TBC1D5: variants seen among roughly 807,000 people sequenced by gnomAD.
The protein encoded by TBC1D5 is TBC1 domain family, member 5.
In TBC1D5, 75 loss-of-function variants were observed where a neutral mutation model predicts 100.3. The ratio of observed to expected loss-of-function variants is 0.75; its 90% CI spans 0.62 to 0.91. The LOEUF is 0.91. TBC1D5 is among the 40% of genes least tolerant of loss of function. The pLI is 0.00. For missense variants in TBC1D5, 910 were observed against 942.4 expected (o/e 0.97, Z 0.45); for synonymous variants, 323 against 325.6 (o/e 0.99, Z 0.09).
intron 17 of TBC1D5, among the ~76,000 whole-genome samples, chr3:17,215,861 T>C (rs1303187613): frequency 6.6e-6 from 1 of 152,092 alleles, no homozygotes; most frequent in Non-Finnish European, 1.5e-5. Flanking sequence ...TGTTACAATA[T>C]AGTTAGAATA....
chr3:17,341,298 G>A (rs779983603), intron 13 of TBC1D5, among the ~76,000 whole-genome samples: 5 of 152,176 alleles, frequency 3.3e-5, no homozygotes, highest in African/African-American at 4.8e-5. Flanking sequence ...CTGGGTTCAC[G>A]CCATTCTCCG....
intron 15 of TBC1D5, among the ~76,000 whole-genome samples, chr3:17,288,276 T>C (rs283915): frequency 0.42 from 63,412 of 151,994 alleles, 13,921 homozygotes; most frequent in Middle Eastern, 0.5. Context: ...TTTTTCTCAC[T>C]TTACTTTTGC....
chr3:17,375,874 G>A (rs552912098), intron 10 of TBC1D5, among the ~76,000 whole-genome samples: 72 of 152,146 alleles, frequency 4.7e-4, no homozygotes, highest in African/African-American at 1.6e-3. Flanking sequence ...ATATAGATGC[G>A]CTGGCCTGAT....
chr3:17,431,568 T>TC (rs1467960694), intron 3 of TBC1D5, among the ~76,000 whole-genome samples: 1 of 152,020 alleles, frequency 6.6e-6, no homozygotes, highest in East Asian at 1.9e-4. Context: ...TAAGAACAAT[T>TC]CATCAATTAC....
intron 15 of TBC1D5, among the ~76,000 whole-genome samples, chr3:17,278,081 T>C (rs1165135084): frequency 1.8e-4 from 27 of 152,208 alleles, no homozygotes; most frequent in Admixed American, 1.8e-3. Context: ...GGTATATTTC[T>C]CAGTGAAACT....
chr3:17,360,191 A>AT (rs1430477609), intron 13 of TBC1D5, among the ~76,000 whole-genome samples: 1 of 151,966 alleles, frequency 6.6e-6, no homozygotes, highest in Non-Finnish European at 1.5e-5. Context: ...GACTAAATAT[A>AT]TTTCTGGGAA....
At chr3:17,252,742 G>A (rs2077281864) in intron 16 of TBC1D5, among the ~76,000 whole-genome samples, 2 of 152,188 alleles carry the variant, frequency 1.3e-5, no homozygotes, top group Admixed American at 1.3e-4. Context: ...AGTTTTCCCA[G>A]GGTACACAAA....
At chr3:17,315,840 G>A (rs767083484) in intron 13 of TBC1D5, among the ~76,000 whole-genome samples, 10 of 152,164 alleles carry the variant, frequency 6.6e-5, no homozygotes, top group Admixed American at 1.3e-4. Context: ...AAAGCTTTAC[G>A]GTGTGGGGGA....
At chr3:17,422,587 T>C (rs1371928712) in intron 4 of TBC1D5, among the ~76,000 whole-genome samples, 2 of 152,192 alleles carry the variant, frequency 1.3e-5, no homozygotes, top group African/African-American at 4.8e-5. Flanking sequence ...TAAATCTTGC[T>C]GCCAAAGTAG....
At chr3:17,235,966 T>G (rs1034403349) in intron 17 of TBC1D5, among the ~76,000 whole-genome samples, 5 of 151,696 alleles carry the variant, frequency 3.3e-5, no homozygotes, top group African/African-American at 1.2e-4. Context: ...TATAGAAGGG[T>G]TGCCAAACAA....
chr3:17,274,875 G>C (rs1368547855), intron 15 of TBC1D5, among the ~76,000 whole-genome samples: 1 of 152,186 alleles, frequency 6.6e-6, no homozygotes, highest in East Asian at 1.9e-4. Flanking sequence ...GACAGACTTT[G>C]GGCTGACGAT....
At chr3:17,391,825 T>C (rs991397192) in intron 8 of TBC1D5, among the ~76,000 whole-genome samples, 5 of 152,084 alleles carry the variant, frequency 3.3e-5, no homozygotes, top group Admixed American at 3.3e-4. Context: ...ATATGCAACA[T>C]AGAAAATGAA....
intron 1 of TBC1D5, among the ~76,000 whole-genome samples, chr3:17,711,646 T>C (rs2074745919): frequency 6.6e-6 from 1 of 152,250 alleles, no homozygotes; most frequent in Non-Finnish European, 1.5e-5. Flanking sequence ...CTACATATTT[T>C]TTCATTAAAT....
intron 3 of TBC1D5, among the ~76,000 whole-genome samples, chr3:17,430,153 C>T (rs933661940): frequency 6.6e-6 from 1 of 151,640 alleles, no homozygotes; most frequent in African/African-American, 2.4e-5. Flanking sequence ...AAATTAGTCT[C>T]TGTCTTGCTA....
At chr3:17,615,079 A>C (rs1312345682) in intron 2 of TBC1D5, among the ~76,000 whole-genome samples, 1 of 152,146 alleles carries the variant, frequency 6.6e-6, no homozygotes, top group African/African-American at 2.4e-5. Flanking sequence ...GTTTATTGAG[A>C]GTTTTTAGCA....
At chr3:17,363,150 G>A (rs113630321) in intron 13 of TBC1D5, among the ~76,000 whole-genome samples, 6 of 151,650 alleles carry the variant, frequency 4.0e-5, no homozygotes, top group African/African-American at 1.5e-4. Flanking sequence ...CCATGTTCTT[G>A]GCATAACATT....
Position 17,240,105 on chromosome 3 carries a change from A to G in TBC1D5, c.1332-1686T>C, listed in dbSNP as rs2076186638. Among the ~76,000 whole-genome samples the G allele has an allele frequency of 1.3e-5, 2 of 152,166 alleles. 1 individual carries two copies. The highest frequency in any genetic ancestry group is 4.1e-4 in the South Asian group (2 of 4,830). On this transcript the variant is annotated intron_variant, in intron 16 of 21. Coordinates refer to ENST00000253692, the Ensembl canonical transcript of TBC1D5. ...GACAGCTATATCCTTTCATTACTAC[A>G]TGTTGCTGTAAAACAGAACAGATCC... is the stretch of plus-strand genomic sequence containing the variant.
chr3:17,582,663 G>A (rs1279546700), intron 2 of TBC1D5, among the ~76,000 whole-genome samples: 1 of 143,386 alleles, frequency 7.0e-6, no homozygotes, highest in African/African-American at 2.6e-5. Context: ...GAGCCCAAAA[G>A]TACAACTGTA....
At chr3:17,343,644 A>C (rs867099335) in intron 13 of TBC1D5, among the ~76,000 whole-genome samples, 1 of 151,832 alleles carries the variant, frequency 6.6e-6, no homozygotes, top group African/African-American at 2.4e-5. Context: ...ACAATTTCAG[A>C]TCCTGTTACT....
Sources: allele counts gnomAD v4.1 joint callset (sites outside exome capture counted in the v4.1 genomes callset), GRCh38; gene constraint gnomAD v4.1.1; transcripts MANE v1.5; gene names NCBI Gene and HGNC (gene_info 2026-07-23, HGNC 2026-07-21).